The following BCAT1 variants were observed in gnomAD, a reference collection of about 807,000 sequenced individuals.
The protein encoded by BCAT1 is branched-chain-amino-acid aminotransferase, cytosolic.
In BCAT1, 48 loss-of-function variants were observed where a neutral mutation model predicts 52.4. That is an observed-to-expected ratio of 0.92 (90% CI 0.73 to 1.16). BCAT1 has a LOEUF of 1.16. Ranked by LOEUF, BCAT1 falls within the 50% of genes most tolerant of loss-of-function variation. BCAT1 has a pLI of 0.00. For missense variants in BCAT1, 451 were observed against 457.1 expected (o/e 0.99, Z 0.12); for synonymous variants, 167 against 161.3 (o/e 1.04, Z -0.27).
At chr12:24,878,506 C>G (rs748993477) in intron 5 of BCAT1, 24 bp downstream of exon 5, 7 of 1,593,206 alleles carry the variant, frequency 4.4e-6, no homozygotes, top group Non-Finnish European at 1.7e-6. Context: ...GCAAAGTACC[C>G]CAAAATAAAG....
chr12:24,825,941 G>A (rs1471852848), intron 10 of BCAT1, among the ~76,000 whole-genome samples: 1 of 152,184 alleles, frequency 6.6e-6, no homozygotes, highest in Non-Finnish European at 1.5e-5. Flanking sequence ...GCCAGGGACA[G>A]TGGCTTATGC....
chr12:24,836,904 A>AAAG (rs1273699403), intron 7 of BCAT1, among the ~76,000 whole-genome samples: 2 of 36,388 alleles, frequency 5.5e-5, no homozygotes, highest in African/African-American at 1.8e-4. Context: ...AAAGAAAAGA[A>AAAG]AGAGAGAAAG....
chr12:24,926,839 C>CT (rs780905680), intron 1 of BCAT1, among the ~76,000 whole-genome samples: 73 of 152,266 alleles, frequency 4.8e-4, no homozygotes, highest in Non-Finnish European at 9.1e-4. Flanking sequence ...GCAGGGTCCT[C>CT]TGCCTAGGAA....
At chr12:24,874,374 A>G (rs59258370) in intron 5 of BCAT1, among the ~76,000 whole-genome samples, 32,989 of 152,092 alleles carry the variant, frequency 0.22, 4,201 homozygotes, top group African/African-American at 0.36. Context: ...ATGTAAAGAG[A>G]CAGAGCTTGG....
rs6487421 is a variant in BCAT1, at chr12:24,817,301, A to G, written c.*707T>C. 0.73 allele frequency: 111,616 copies of G among 152,324 alleles called. 40,998 individuals carry two copies. The highest frequency in any genetic ancestry group is 0.87 in the East Asian group (4,491 of 5,178). 9.4% of individuals were successfully genotyped at this position (152,324 alleles called of 1,614,324 possible). A position where few individuals can be genotyped will look rare whatever the true frequency, so the allele number is the denominator to read the frequency against. ...AAACCATTTACTGAGTACCTACTAT[A>G]TGTCAGCCATGGGGGATACAAAGAT... On this transcript the variant is annotated 3_prime_UTR_variant, in exon 11 of 11. Coordinates refer to ENST00000261192, the MANE Select transcript of BCAT1 (RefSeq NM_005504.7).
At chr12:24,933,441 T>C (rs1943708705) in intron 1 of BCAT1, among the ~76,000 whole-genome samples, 1 of 152,078 alleles carries the variant, frequency 6.6e-6, no homozygotes, top group East Asian at 1.9e-4. Context: ...CTCATAACCA[T>C]GTGTTATATG....
chr12:24,881,381 C>T lies in BCAT1; in HGVS notation c.310G>A (p.Val104Ile). The change falls in exon 4 of 11, where the codon GTA becomes ATA. Residue 104 changes from valine (V) to isoleucine (I), a missense_variant. Transcript: ENST00000261192. ...LFEGLKAFRGVDNKIRLFQPN... is the reference protein window; with the variant it reads ...LFEGLKAFRGIDNKIRLFQPN... The stretch of plus-strand genomic sequence containing the variant: ...TGAAACAGTCGAATTTTATTATCTA[C>T]TCCTCGAAATGCCTTCAATCCTTCA... The T allele has an allele frequency of 1.9e-6, 3 of 1,612,656 alleles. No individual in the cohort carries two copies. The highest frequency in any genetic ancestry group is 2.5e-6 in the Non-Finnish European group (3 of 1,178,722).
intron 1 of BCAT1, among the ~76,000 whole-genome samples, chr12:24,932,676 G>A (rs373883891): frequency 5.3e-5 from 8 of 152,128 alleles, no homozygotes; most frequent in Non-Finnish European, 1.0e-4. Context: ...TCCTTCTATC[G>A]CACAGGCTGG....
At chr12:24,824,598 C>G (rs756602940) in intron 10 of BCAT1, among the ~76,000 whole-genome samples, 3 of 152,134 alleles carry the variant, frequency 2.0e-5, no homozygotes, top group Non-Finnish European at 2.9e-5. Flanking sequence ...TCATGCCCAC[C>G]TAAATGTTTT....
chr12:24,902,340 T>C, intron 1 of BCAT1: 1 of 1,209,426 alleles, frequency 8.3e-7, no homozygotes, highest in South Asian at 2.6e-5. Context: ...GGGACGGGCG[T>C]GAACCATTTC....
chr12:24,926,188 G>A (rs1055081702), intron 1 of BCAT1, among the ~76,000 whole-genome samples: 17 of 149,440 alleles, frequency 1.1e-4, no homozygotes, highest in African/African-American at 3.5e-4. Context: ...TGTGGGGAGC[G>A]CCTCTGCCCT....
chr12:24,890,723 C>T (rs989578694), intron 3 of BCAT1, among the ~76,000 whole-genome samples: 1 of 152,200 alleles, frequency 6.6e-6, no homozygotes, highest in Admixed American at 6.5e-5. Flanking sequence ...TAATCTACCC[C>T]TTCTTTAGCA....
At chr12:24,948,771 C>T (rs572255743) in intron 1 of BCAT1, among the ~76,000 whole-genome samples, 156 bp downstream of exon 1, 1 of 152,328 alleles carries the variant, frequency 6.6e-6, no homozygotes, top group African/African-American at 2.4e-5. Context: ...CCGCAAACTA[C>T]GATTGATAAA....
intron 5 of BCAT1, among the ~76,000 whole-genome samples, chr12:24,862,025 GA>G (rs1388340288): frequency 6.6e-6 from 1 of 152,154 alleles, no homozygotes; most frequent in Non-Finnish European, 1.5e-5. Flanking sequence ...TGGTCTAAAA[GA>G]AAGAGAAACC....
chr12:24,863,527 A>G (rs570122056), intron 5 of BCAT1, among the ~76,000 whole-genome samples: 2 of 152,234 alleles, frequency 1.3e-5, no homozygotes, highest in Non-Finnish European at 2.9e-5. Flanking sequence ...AGGTTGGCAA[A>G]TTTGGAATCA....
intron 10 of BCAT1, among the ~76,000 whole-genome samples, chr12:24,825,111 T>TTGTG (rs71448088): frequency 1.3e-4 from 19 of 148,826 alleles, no homozygotes; most frequent in African/African-American, 2.5e-4. Flanking sequence ...TAGTACCACA[T>TTGTG]TGTGTGTGTG....
intron 1 of BCAT1, among the ~76,000 whole-genome samples, chr12:24,923,891 T>TC (rs1271157984): frequency 6.6e-6 from 1 of 152,196 alleles, no homozygotes; most frequent in Non-Finnish European, 1.5e-5. Context: ...GCTCAGTCCA[T>TC]CCCCTTCTCT....
chr12:24,812,654 C>G lies in BCAT1; in HGVS notation c.*5354G>C, dbSNP rs1289594667. 6.6e-6 allele frequency: 1 copy of G among 151,984 alleles called. No individual in the cohort carries two copies. Among genetic ancestry groups the G allele is most frequent in the Non-Finnish European group, 1.5e-5 (1 of 67,886 alleles). 9.4% of individuals were successfully genotyped at this position (151,984 alleles called of 1,614,324 possible). On this transcript the variant is annotated 3_prime_UTR_variant, in exon 11 of 11. Coordinates refer to ENST00000261192, the MANE Select transcript of BCAT1 (RefSeq NM_005504.7). Reference sequence around the variant, plus strand: ...GCTTGACAGAATAAGGAAAAAGCTCCTTTGGATAACACAAAAATATGTTTT... The same window carrying G: ...GCTTGACAGAATAAGGAAAAAGCTCGTTTGGATAACACAAAAATATGTTTT...
At chr12:24,851,175 G>A (rs2139470988) in intron 5 of BCAT1, among the ~76,000 whole-genome samples, 1 of 152,274 alleles carries the variant, frequency 6.6e-6, no homozygotes, top group South Asian at 2.1e-4. Flanking sequence ...AAACAAGGCA[G>A]GACTCTTAGG....
Sources: gnomAD v4.1 joint callset for allele counts (sites outside exome capture counted in the v4.1 genomes callset) on GRCh38, gnomAD v4.1.1 for gene constraint, MANE v1.5 for transcripts, NCBI Gene and HGNC (gene_info 2026-07-23, HGNC 2026-07-21) for gene names.